The following PRPSAP2 variants were observed in gnomAD, a reference collection of about 807,000 sequenced individuals.
The protein encoded by PRPSAP2 is phosphoribosyl pyrophosphate synthetase associated protein 2, also known as phosphoribosyl pyrophosphate synthase-associated protein 2.
In PRPSAP2, 24 loss-of-function variants were observed where a neutral mutation model predicts 40.6. The ratio of observed to expected loss-of-function variants is 0.59; its 90% CI spans 0.43 to 0.83. The LOEUF is 0.83. PRPSAP2 is among the 40% of genes least tolerant of loss of function. PRPSAP2 has a pLI of 0.00. For synonymous variants in PRPSAP2, 149 were observed against 164.7 expected, an observed-to-expected ratio of 0.90 and a Z score of 0.73; for missense variants, 292 against 465.6, an observed-to-expected ratio of 0.63 and a Z score of 3.43.
intron 7 of PRPSAP2, among the ~76,000 whole-genome samples, chr17:18,884,076 T>A (rs187200808): frequency 5.3e-4 from 81 of 152,164 alleles, no homozygotes; most frequent in African/African-American, 1.8e-3. Context: ...CAGACCAGCC[T>A]AGCCAACATG....
intron 9 of PRPSAP2, among the ~76,000 whole-genome samples, chr17:18,917,821 C>T (rs1435682148): frequency 2.7e-5 from 4 of 150,928 alleles, no homozygotes; most frequent in South Asian, 2.1e-4. Flanking sequence ...TTTTTGACAG[C>T]GTCTGTTTAG....
At chr17:18,874,015 C>T (rs571077728) in intron 5 of PRPSAP2, among the ~76,000 whole-genome samples, 1 of 152,222 alleles carries the variant, frequency 6.6e-6, no homozygotes, top group Non-Finnish European at 1.5e-5. Flanking sequence ...AACTATCCTC[C>T]TCCCTCAGCC....
chr17:18,919,314 C>A (rs1419649298), intron 9 of PRPSAP2, among the ~76,000 whole-genome samples: 1 of 152,120 alleles, frequency 6.6e-6, no homozygotes, highest in East Asian at 1.9e-4. Flanking sequence ...CAAGATCAAA[C>A]TGACCAAGAT....
chr17:18,906,450 G>A (rs1034551840), intron 8 of PRPSAP2, among the ~76,000 whole-genome samples: 5 of 152,230 alleles, frequency 3.3e-5, no homozygotes, highest in African/African-American at 9.6e-5. Context: ...TCTTGACCTT[G>A]CGATCCACCC....
intron 8 of PRPSAP2, among the ~76,000 whole-genome samples, chr17:18,893,036 A>C (rs1179744169): frequency 6.6e-6 from 1 of 151,800 alleles, no homozygotes; most frequent in Non-Finnish European, 1.5e-5. Flanking sequence ...TACATACTAA[A>C]CCTTGTTAGA....
In PRPSAP2 at chr17:18,890,892, G is replaced by T. The variant is rs151317201; in HGVS notation, c.584+1015G>T. 3.7e-3 allele frequency among the ~76,000 whole-genome samples: 563 copies of T among 152,274 alleles called. 2 individuals are homozygous for T. The highest frequency in any genetic ancestry group is 0.013 in the African/African-American group (544 of 41,552). ...TGACACAACCTGAGGTGTACCAAAG[G>T]GGGAGCCTTGAGAGTCAGTAGAGTG... On this transcript the variant is annotated intron_variant, in intron 8 of 11. Transcript: ENST00000268835.
chr17:18,918,732 G>T (rs948159981), intron 9 of PRPSAP2, among the ~76,000 whole-genome samples: 4 of 152,186 alleles, frequency 2.6e-5, no homozygotes, highest in Admixed American at 2.0e-4. Flanking sequence ...ATGCTGTCCA[G>T]TCGGGTGGCC....
chr17:18,877,567 A>G, intron 5 of PRPSAP2, 131 bp from the exon 6 acceptor site: 1 of 736,994 alleles, frequency 1.4e-6, no homozygotes, highest in Non-Finnish European at 2.1e-6. Context: ...AGAGGAATTT[A>G]TTGGTTGGTT....
intron 8 of PRPSAP2, 134 bp from the exon 9 acceptor site, chr17:18,910,969 G>T (rs1324743166): frequency 1.8e-6 from 2 of 1,123,628 alleles, no homozygotes; most frequent in African/African-American, 3.1e-5. Context: ...GTCTAAGGCT[G>T]TTTTATTCTC....
chr17:18,912,550 C>A (rs183907392), intron 9 of PRPSAP2, among the ~76,000 whole-genome samples: 12 of 152,326 alleles, frequency 7.9e-5, no homozygotes, highest in Admixed American at 6.5e-4. Context: ...TTAATTTCAG[C>A]ATCACCTCAA....
chr17:18,929,639 C>T (rs1017139020), intron 11 of PRPSAP2: 5 of 152,168 alleles, frequency 3.3e-5, no homozygotes, highest in African/African-American at 4.8e-5. Context: ...GCTGTCTTCA[C>T]TCAACATAAT....
intron 8 of PRPSAP2, among the ~76,000 whole-genome samples, chr17:18,895,126 C>T (rs1440134368): frequency 6.7e-6 from 1 of 150,168 alleles, no homozygotes; most frequent in African/African-American, 2.5e-5. Context: ...CTCTGTTTAC[C>T]CAGACTGGAG....
intron 8 of PRPSAP2, chr17:18,904,283 C>T (rs2151944454): frequency 6.6e-6 from 1 of 152,232 alleles, no homozygotes; most frequent in African/African-American, 2.4e-5. Context: ...GAGACAGGGT[C>T]TCCCTCTGTC....
chr17:18,882,744 AT>A, intron 7 of PRPSAP2, 61 bp downstream of exon 7: 1 of 1,132,636 alleles, frequency 8.8e-7, no homozygotes, highest in Non-Finnish European at 1.3e-6. Context: ...ATGTATTTCC[AT>A]TTCCTTAGGA....
At chr17:18,870,733 C>T (rs574254047) in intron 4 of PRPSAP2, among the ~76,000 whole-genome samples, 6 of 150,700 alleles carry the variant, frequency 4.0e-5, no homozygotes, top group East Asian at 4.0e-4. Context: ...CACTTGAGTC[C>T]GGGAGGTGGA....
At chr17:18,864,205 T>A (rs12600851) in intron 1 of PRPSAP2, among the ~76,000 whole-genome samples, 80,756 of 151,734 alleles carry the variant, frequency 0.53, 21,767 homozygotes, top group Middle Eastern at 0.6. Context: ...AAAAGTCTTA[T>A]GTTGTCCCTA....
chr17:18,912,940 A>G (rs1331854159), intron 9 of PRPSAP2, among the ~76,000 whole-genome samples: 1 of 152,196 alleles, frequency 6.6e-6, no homozygotes, highest in Admixed American at 6.5e-5. Context: ...AGTTGACTCA[A>G]AGCCCCGCCT....
In PRPSAP2 at chr17:18,931,042, T is replaced by C. The variant is rs1338170358; in HGVS notation, c.*344T>C. On this transcript the variant is annotated 3_prime_UTR_variant, in exon 12 of 12. Coordinates refer to ENST00000268835, the MANE Select transcript of PRPSAP2 (RefSeq NM_002767.4). ...CCAAGTGCTTAAAAAGTTAATAAAA[T>C]AAAATGATCTGTATGATACCTGCAA... The C allele has an allele frequency of 5.9e-6, 1 of 170,180 alleles. No homozygotes were observed. Among genetic ancestry groups the C allele is most frequent in the African/African-American group, 2.4e-5 (1 of 42,110 alleles). The allele number at this position is 170,180 out of a possible 1,614,324, so 10.5% of individuals were successfully genotyped here. A position where few individuals can be genotyped will look rare whatever the true frequency, so the allele number is the denominator to read the frequency against.
intron 5 of PRPSAP2, among the ~76,000 whole-genome samples, chr17:18,873,603 C>T (rs1051745407): frequency 1.3e-5 from 2 of 152,172 alleles, no homozygotes; most frequent in African/African-American, 4.8e-5. Flanking sequence ...TTCTAGTTCC[C>T]TCCTCTCCCC....
Sources: gnomAD v4.1 joint callset for allele counts (sites outside exome capture counted in the v4.1 genomes callset) on GRCh38, gnomAD v4.1.1 for gene constraint, MANE v1.5 for transcripts, NCBI Gene and HGNC (gene_info 2026-07-23, HGNC 2026-07-21) for gene names.